Variants in PMFBP1 observed in about 807,000 individuals in gnomAD.
PMFBP1 encodes polyamine-modulated factor 1-binding protein 1.
In PMFBP1, 131 loss-of-function variants were observed where a neutral mutation model predicts 137.8. That is an observed-to-expected ratio of 0.95 (90% CI 0.82 to 1.10). PMFBP1 has a LOEUF of 1.10. Among genes scored for constraint, PMFBP1 ranks in the 50% least tolerant of loss-of-function variants. The probability of loss-of-function intolerance (pLI) is 0.00; values close to 1 mark genes in which losing one functional copy is unlikely to be tolerated. For synonymous variants in PMFBP1, 490 were observed against 450.4 expected, an observed-to-expected ratio of 1.09 and a Z score of -1.11; for missense variants, 1,199 against 1,175.4, an observed-to-expected ratio of 1.02 and a Z score of -0.29.
chr16:72,139,445 T>G (rs781712088), intron 6 of PMFBP1, 46 bp from the exon 7 acceptor site: 3 of 1,370,832 alleles, frequency 2.2e-6, no homozygotes, highest in Admixed American at 3.5e-5. Flanking sequence ...CAATGGAACG[T>G]GCTTGTTACC....
intron 19 of PMFBP1, among the ~76,000 whole-genome samples, chr16:72,122,299 G>C (rs2042387826): frequency 6.6e-6 from 1 of 152,208 alleles, no homozygotes; most frequent in East Asian, 1.9e-4. Context: ...TGTTCCCTAA[G>C]AAAAGGTTGG....
chr16:72,195,541 G>C, the PMFBP1 span, among the ~76,000 whole-genome samples: 9 of 152,062 alleles, frequency 5.9e-5, no homozygotes, highest in Non-Finnish European at 1.3e-4. Flanking sequence ...CATGAGCTCA[G>C]CCATACACTC....
chr16:72,131,230 C>T (rs557666406), intron 10 of PMFBP1, among the ~76,000 whole-genome samples: 5 of 152,016 alleles, frequency 3.3e-5, no homozygotes, highest in East Asian at 3.9e-4. Flanking sequence ...GAGGAGAATG[C>T]GGAAGGTGTG....
chr16:72,149,214 C>T (rs2042861528), intron 5 of PMFBP1, among the ~76,000 whole-genome samples: 1 of 152,188 alleles, frequency 6.6e-6, no homozygotes, highest in Non-Finnish European at 1.5e-5. Context: ...AACGTTATCT[C>T]CCTACCCATC....
At chr16:72,184,296 C>T in the PMFBP1 span, among the ~76,000 whole-genome samples, 1 of 152,202 alleles carries the variant, frequency 6.6e-6, no homozygotes, top group African/African-American at 2.4e-5. Flanking sequence ...CACAGCTCTC[C>T]ATCTGGAGCT....
At position 72,130,288 on chromosome 16, in the gene PMFBP1, T is replaced by C. The variant is rs749996626; in HGVS notation, c.1707A>G (p.Glu569=). The C allele has an allele frequency of 3.7e-6, 6 of 1,614,206 alleles. No individual in the cohort carries two copies. The highest frequency in any genetic ancestry group is 3.3e-5 in the South Asian group (3 of 91,090). Residue 569 remains glutamate (E), a synonymous_variant, in exon 12 of 21, where the codon GAA becomes GAG. Transcript: ENST00000237353. ...ALRKLENSDK[E]KRQLQKTVAE... is the part of the protein sequence containing the mutation. The stretch of plus-strand genomic sequence containing the variant: ...CCACTGTCTTCTGAAGCTGCCTCTT[T>C]TCCTTGTCTGAATTTTCAAGCTTCC...
At chr16:72,237,110 A>G in the PMFBP1 span, among the ~76,000 whole-genome samples, 1 of 152,190 alleles carries the variant, frequency 6.6e-6, no homozygotes, top group Non-Finnish European at 1.5e-5. Context: ...GGGACAGGGT[A>G]ACTACCATAA....
the PMFBP1 span, among the ~76,000 whole-genome samples, chr16:72,228,712 T>C: frequency 6.6e-6 from 1 of 152,226 alleles, no homozygotes; most frequent in East Asian, 1.9e-4. Flanking sequence ...AGGATAGTTT[T>C]GCAGAAGCAG....
chr16:72,161,046 CTT>C (rs1029001328), intron 3 of PMFBP1, among the ~76,000 whole-genome samples: 3 of 150,584 alleles, frequency 2.0e-5, no homozygotes, highest in African/African-American at 7.3e-5. Flanking sequence ...GAGATATTTC[CTT>C]TGAACTCTAG....
chr16:72,147,910 T>C (rs2042836816), intron 5 of PMFBP1, among the ~76,000 whole-genome samples: 1 of 152,196 alleles, frequency 6.6e-6, no homozygotes, highest in Non-Finnish European at 1.5e-5. Flanking sequence ...GGAACACTTT[T>C]ACACTGTTGG....
At chr16:72,186,192 G>A in the PMFBP1 span, among the ~76,000 whole-genome samples, 1 of 152,128 alleles carries the variant, frequency 6.6e-6, no homozygotes, top group Non-Finnish European at 1.5e-5. Context: ...TCTCCCTAAG[G>A]TGATGCTGGG....
At chr16:72,229,737 A>T in the PMFBP1 span, among the ~76,000 whole-genome samples, 25 of 152,114 alleles carry the variant, frequency 1.6e-4, 1 homozygote, top group Admixed American at 9.2e-4. Flanking sequence ...ATTATAAGAC[A>T]TTTATTTGAA....
intron 9 of PMFBP1, among the ~76,000 whole-genome samples, chr16:72,135,359 G>GTTTTTTTTTTTTTTTT (rs869071984): frequency 7.6e-6 from 1 of 131,436 alleles, no homozygotes; most frequent in African/African-American, 2.6e-5. Context: ...GTGTGTGTGT[G>GTTTTTTTTTTTTTTTT]TTTTTTTTTT....
At position 72,150,731 on chromosome 16, in the gene PMFBP1, G is replaced by A. The variant is rs146229437; in HGVS notation, c.513C>T (p.Ile171=). ...GGTTTAAGCTCCTCTCTAGAGAGGC[G>A]ATCTTGTCCCCGGCCAAGGCGAGTT... ...QEQLALAGDK[I]ASLERSLNLY... The change falls in exon 5 of 21, where the codon ATC becomes ATT. Residue 171 remains isoleucine (I), a synonymous_variant. Transcript: ENST00000237353. The A allele has an allele frequency of 4.3e-5, 69 of 1,614,150 alleles. No individual in the cohort carries two copies. In the Middle Eastern group the frequency reaches 5.0e-4, roughly 12 times the overall value.
At chr16:72,233,106 A>G in the PMFBP1 span, among the ~76,000 whole-genome samples, 3 of 152,098 alleles carry the variant, frequency 2.0e-5, no homozygotes, top group Non-Finnish European at 2.9e-5. Context: ...AGGGAAAACT[A>G]AGGTTTAATT....
chr16:72,140,177 T>C (rs553632883), intron 6 of PMFBP1, among the ~76,000 whole-genome samples: 2 of 152,346 alleles, frequency 1.3e-5, no homozygotes, highest in Admixed American at 1.3e-4. Flanking sequence ...TCCCCACTGA[T>C]GGGCAGTTAG....
At chr16:72,193,392 A>AAAAT in the PMFBP1 span, among the ~76,000 whole-genome samples, 12 of 152,254 alleles carry the variant, frequency 7.9e-5, no homozygotes, top group East Asian at 3.9e-4. Context: ...TCTGTCTCTA[A>AAAAT]AAATAAATAA....
the PMFBP1 span, among the ~76,000 whole-genome samples, chr16:72,214,667 C>T: frequency 2.0e-5 from 3 of 152,126 alleles, no homozygotes; most frequent in Admixed American, 6.5e-5. Context: ...GACACATTCA[C>T]AATACAGAGC....
At chr16:72,240,835 T>C in the PMFBP1 span, among the ~76,000 whole-genome samples, 14,622 of 152,198 alleles carry the variant, frequency 0.096, 1,956 homozygotes, top group African/African-American at 0.3. Flanking sequence ...TCTTTTTATA[T>C]GTAAATATGA....
Sources: allele counts gnomAD v4.1 joint callset (sites outside exome capture counted in the v4.1 genomes callset), GRCh38; gene constraint gnomAD v4.1.1; transcripts MANE v1.5; gene names NCBI Gene and HGNC (gene_info 2026-07-23, HGNC 2026-07-21).